The following SNTB1 variants were observed in gnomAD, a reference collection of about 807,000 sequenced individuals.
SNTB1 encodes beta-1-syntrophin.
In SNTB1, 36 loss-of-function variants were observed where a neutral mutation model predicts 48.9. The observed-to-expected ratio is 0.74, with a 90% confidence interval of 0.56 to 0.97. SNTB1 has a LOEUF of 0.97. Ranked by LOEUF, SNTB1 falls within the 50% of genes least tolerant of loss-of-function variation. The probability of loss-of-function intolerance (pLI) is 0.00; values close to 1 mark genes in which losing one functional copy is unlikely to be tolerated. For missense variants in SNTB1, 786 were observed against 703.4 expected (o/e 1.12, Z -1.33); for synonymous variants, 299 against 294.6 (o/e 1.01, Z -0.15).
At position 120,614,015 on chromosome 8, in the gene SNTB1, A is replaced by G. The variant is rs547628245; in HGVS notation, c.996+18429T>C. Among the ~76,000 whole-genome samples the G allele has an allele frequency of 7.2e-5, 11 of 152,292 alleles. No homozygotes were observed. In the South Asian group the frequency reaches 2.3e-3, roughly 32 times the overall value. Reference sequence around the variant, plus strand: ...TGAGGCAGGATGCAGGAGCTCAGAGAGACTGTCAGTGGTTTGCCCAAGAAA... The same window carrying G: ...TGAGGCAGGATGCAGGAGCTCAGAGGGACTGTCAGTGGTTTGCCCAAGAAA... On this transcript the variant is annotated intron_variant, in intron 3 of 6. Coordinates refer to ENST00000517992, the MANE Select transcript of SNTB1 (RefSeq NM_021021.4).
chr8:120,644,415 TG>T (rs1239055041), intron 2 of SNTB1, among the ~76,000 whole-genome samples: 1 of 150,474 alleles, frequency 6.6e-6, no homozygotes, highest in Non-Finnish European at 1.5e-5. Flanking sequence ...ATGCGATGTT[TG>T]GTTTTTTGTT....
chr8:120,720,806 G>T (rs1241429341), intron 1 of SNTB1, among the ~76,000 whole-genome samples: 1 of 152,124 alleles, frequency 6.6e-6, no homozygotes, highest in East Asian at 1.9e-4. Context: ...GGAGTGAGTG[G>T]GAGACTAGAT....
intron 1 of SNTB1, among the ~76,000 whole-genome samples, chr8:120,752,314 A>T (rs1819233357): frequency 6.6e-6 from 1 of 152,130 alleles, no homozygotes; most frequent in Non-Finnish European, 1.5e-5. Context: ...TACCTATTAT[A>T]TATGTAATAT....
intron 5 of SNTB1, among the ~76,000 whole-genome samples, chr8:120,543,467 G>A (rs767338227): frequency 2.6e-5 from 4 of 152,030 alleles, no homozygotes; most frequent in Admixed American, 6.6e-5. Flanking sequence ...GCTGGAACAC[G>A]GCCCAATATT....
At chr8:120,693,646 G>A in intron 2 of SNTB1, 46 bp downstream of exon 2, 2 of 1,547,408 alleles carry the variant, frequency 1.3e-6, no homozygotes, top group Non-Finnish European at 1.8e-6. Flanking sequence ...TAGCCTGAGA[G>A]GCCGAGGAGC....
At chr8:120,602,534 T>G (rs1816436513) in intron 3 of SNTB1, among the ~76,000 whole-genome samples, 1 of 152,184 alleles carries the variant, frequency 6.6e-6, no homozygotes, top group African/African-American at 2.4e-5. Flanking sequence ...AGACTTTAAC[T>G]TCATCTGTTG....
At position 120,622,052 on chromosome 8, in the gene SNTB1, T is replaced by A. The variant is rs76377702; in HGVS notation, c.996+10392A>T. ...ACCCCTTACTATTCCCCAGACACTGTCTAGGCACTGGAACTGTAGAACTAA... is the reference window on the plus strand; with the variant it reads ...ACCCCTTACTATTCCCCAGACACTGACTAGGCACTGGAACTGTAGAACTAA... On this transcript the variant is annotated intron_variant, in intron 3 of 6. Coordinates refer to ENST00000517992, the MANE Select transcript of SNTB1 (RefSeq NM_021021.4). 2.5e-3 allele frequency among the ~76,000 whole-genome samples: 382 copies of A among 152,326 alleles called. 5 individuals are homozygous for A. The East Asian group carries it at 0.031, about 12-fold the overall frequency.
intron 2 of SNTB1, among the ~76,000 whole-genome samples, chr8:120,666,699 T>C (rs1817677706): frequency 6.6e-6 from 1 of 152,184 alleles, no homozygotes; most frequent in Admixed American, 6.5e-5. Flanking sequence ...CCTTCTCCCC[T>C]TTGTGGACTC....
intron 1 of SNTB1, 57 bp from the exon 2 acceptor site, chr8:120,693,965 G>T: frequency 7.5e-7 from 1 of 1,325,826 alleles, no homozygotes; most frequent in Non-Finnish European, 1.1e-6. Context: ...TTTCTGGGAA[G>T]TCTGATTGTG....
chr8:120,589,517 A>G (rs1816204493), intron 3 of SNTB1, among the ~76,000 whole-genome samples: 1 of 152,228 alleles, frequency 6.6e-6, no homozygotes, highest in African/African-American at 2.4e-5. Context: ...GCTATAACAA[A>G]TTACCATAGA....
intron 1 of SNTB1, among the ~76,000 whole-genome samples, chr8:120,781,014 C>T (rs1242521278): frequency 1.3e-5 from 2 of 152,120 alleles, no homozygotes; most frequent in South Asian, 2.1e-4. Flanking sequence ...TGCTATGCCC[C>T]GTGATCATCT....
intron 1 of SNTB1, among the ~76,000 whole-genome samples, chr8:120,744,532 A>T (rs537188314): frequency 6.6e-6 from 1 of 152,208 alleles, no homozygotes; most frequent in African/African-American, 2.4e-5. Flanking sequence ...AAGTGGCATA[A>T]ATTCAACTTC....
At chr8:120,590,569 G>A (rs1227527960) in intron 3 of SNTB1, among the ~76,000 whole-genome samples, 1 of 152,104 alleles carries the variant, frequency 6.6e-6, no homozygotes, top group Non-Finnish European at 1.5e-5. Context: ...TGGTCTTGCA[G>A]GGCCCATCAC....
intron 2 of SNTB1, among the ~76,000 whole-genome samples, chr8:120,684,655 A>AAT (rs1554652905): frequency 5.6e-4 from 80 of 141,762 alleles, no homozygotes; most frequent in African/African-American, 1.0e-3. Flanking sequence ...CAAAAATTGA[A>AAT]TTTTTTTTTT....
chr8:120,659,301 A>G (rs1053604664), intron 2 of SNTB1, among the ~76,000 whole-genome samples: 1 of 152,028 alleles, frequency 6.6e-6, no homozygotes, highest in African/African-American at 2.4e-5. Context: ...TTGTCATGTC[A>G]CCAATTTTAC....
intron 1 of SNTB1, among the ~76,000 whole-genome samples, chr8:120,755,177 A>T (rs1024418917): frequency 4.2e-4 from 43 of 102,016 alleles, no homozygotes; most frequent in South Asian, 3.1e-3. Flanking sequence ...TGTGTGAGAG[A>T]GAGAGAGAGA....
chr8:120,740,760 C>CT (rs373414345), intron 1 of SNTB1, among the ~76,000 whole-genome samples: 15,682 of 148,644 alleles, frequency 0.11, 937 homozygotes, highest in East Asian at 0.18. Flanking sequence ...TTTTCTTCTT[C>CT]TTTTTTTTTT....
intron 3 of SNTB1, among the ~76,000 whole-genome samples, chr8:120,583,512 AAAAC>A (rs1563823625): frequency 2.6e-5 from 2 of 78,262 alleles, no homozygotes; most frequent in African/African-American, 1.1e-4. Flanking sequence ...ACTCCGTCTC[AAAAC>A]ACACACACAC....
chr8:120,752,378 T>C (rs906251114), intron 1 of SNTB1, among the ~76,000 whole-genome samples: 3 of 152,168 alleles, frequency 2.0e-5, no homozygotes, highest in Non-Finnish European at 4.4e-5. Context: ...TCCTCTTCAG[T>C]AAAGTGAGAA....
Sources: allele counts gnomAD v4.1 joint callset (sites outside exome capture counted in the v4.1 genomes callset), GRCh38; gene constraint gnomAD v4.1.1; transcripts MANE v1.5; gene names NCBI Gene and HGNC (gene_info 2026-07-23, HGNC 2026-07-21).